Variants in BMPR1B observed in about 807,000 individuals in gnomAD.
BMPR1B encodes bone morphogenetic protein receptor type-1B.
In BMPR1B, 12 loss-of-function variants were observed where a neutral mutation model predicts 59.1. That is an observed-to-expected ratio of 0.20 (90% confidence interval 0.13 to 0.33). BMPR1B has a LOEUF of 0.33. BMPR1B is among the 10% of genes least tolerant of loss of function. The probability of loss-of-function intolerance (pLI) is 1.00; values close to 1 mark genes in which losing one functional copy is unlikely to be tolerated. For missense variants in BMPR1B, 550 were observed against 610.9 expected (o/e 0.90, Z 1.05); for synonymous variants, 237 against 207.3 (o/e 1.14, Z -1.23).
intron 2 of BMPR1B, among the ~76,000 whole-genome samples, chr4:94,981,861 A>G (rs527804916): frequency 2.0e-5 from 3 of 152,204 alleles, no homozygotes; most frequent in East Asian, 3.8e-4. Flanking sequence ...AATATTTCCC[A>G]GTTGAATTAT....
chr4:95,105,317 G>A (rs1036764884), intron 4 of BMPR1B, among the ~76,000 whole-genome samples: 18 of 151,952 alleles, frequency 1.2e-4, no homozygotes, highest in Admixed American at 2.6e-4. Flanking sequence ...CACAGCCCTC[G>A]AGTTAAAATG....
chr4:94,762,888 G>T (rs867282417), intron 1 of BMPR1B, among the ~76,000 whole-genome samples: 1 of 151,732 alleles, frequency 6.6e-6, no homozygotes, highest in Admixed American at 6.6e-5. Flanking sequence ...CTGGGGGCTG[G>T]GGGTGTGCCA....
intron 1 of BMPR1B, among the ~76,000 whole-genome samples, chr4:94,847,428 T>A (rs1314100796): frequency 6.6e-6 from 1 of 152,234 alleles, no homozygotes; most frequent in Non-Finnish European, 1.5e-5. Context: ...GCCATTCCAC[T>A]GCTAGGTATT....
At chr4:95,013,201 G>A (rs1023815765) in intron 3 of BMPR1B, among the ~76,000 whole-genome samples, 1 of 151,200 alleles carries the variant, frequency 6.6e-6, no homozygotes, top group African/African-American at 2.5e-5. Flanking sequence ...CACCAACAAT[G>A]ACTATATATC....
At chr4:94,839,175 T>C (rs1724943429) in intron 1 of BMPR1B, among the ~76,000 whole-genome samples, 1 of 131,306 alleles carries the variant, frequency 7.6e-6, no homozygotes, top group Non-Finnish European at 1.6e-5. Context: ...GAGCTTTACT[T>C]CCAAGTATGT....
At chr4:94,814,544 C>G (rs775425238) in intron 1 of BMPR1B, among the ~76,000 whole-genome samples, 1 of 152,156 alleles carries the variant, frequency 6.6e-6, no homozygotes, top group African/African-American at 2.4e-5. Context: ...ATTTACCATT[C>G]TTGTGCCTCA....
At chr4:94,779,839 A>G (rs1465484341) in intron 1 of BMPR1B, among the ~76,000 whole-genome samples, 1 of 151,942 alleles carries the variant, frequency 6.6e-6, no homozygotes, top group Non-Finnish European at 1.5e-5. Context: ...CTTAAAAAAC[A>G]TTAGAAAAAA....
chr4:94,889,219 A>G (rs1310475914), intron 2 of BMPR1B, among the ~76,000 whole-genome samples: 3 of 152,102 alleles, frequency 2.0e-5, no homozygotes, highest in South Asian at 4.1e-4. Flanking sequence ...GAGTTTTAAT[A>G]GTGATATTTT....
chr4:94,943,867 C>G (rs1311342150), intron 2 of BMPR1B, among the ~76,000 whole-genome samples: 1 of 152,096 alleles, frequency 6.6e-6, no homozygotes, highest in Non-Finnish European at 1.5e-5. Flanking sequence ...CAAAATTTCT[C>G]TTCTCTAATT....
intron 10 of BMPR1B, 54 bp from the exon 11 acceptor site, chr4:95,148,694 C>T (rs746567210): frequency 5.8e-6 from 9 of 1,559,796 alleles, no homozygotes; most frequent in Non-Finnish European, 8.0e-6. Flanking sequence ...CACCTTGATT[C>T]GTTTTTGTTG....
intron 2 of BMPR1B, among the ~76,000 whole-genome samples, chr4:94,898,706 T>C (rs185890897): frequency 1.7e-4 from 15 of 89,944 alleles, no homozygotes; most frequent in Non-Finnish European, 3.0e-4. Flanking sequence ...CAGACTAATA[T>C]ACACTTTAAA....
chr4:94,839,393 C>G lies in BMPR1B; in HGVS notation c.-182-36438C>G, dbSNP rs1000478637. 3.4e-5 allele frequency among the ~76,000 whole-genome samples: 5 copies of G among 146,678 alleles called. 2 individuals are homozygous for G. Among genetic ancestry groups the G allele is most frequent in the African/African-American group, 7.6e-5 (3 of 39,440 alleles). On this transcript the variant is annotated intron_variant, in intron 1 of 12. Coordinates refer to ENST00000515059, the MANE Select transcript of BMPR1B (RefSeq NM_001203.3). The stretch of plus-strand genomic sequence containing the variant: ...TCTCCCATTATTAATGTGTGGGGGT[C>G]TAAGTCTCTTTGTAGGTCACTCAGG...
chr4:95,046,701 G>C (rs1244028429), intron 3 of BMPR1B, among the ~76,000 whole-genome samples: 1 of 152,064 alleles, frequency 6.6e-6, no homozygotes, highest in Non-Finnish European at 1.5e-5. Flanking sequence ...TCCTTCCTCT[G>C]CCCTTCTGTC....
intron 1 of BMPR1B, among the ~76,000 whole-genome samples, chr4:94,810,715 C>A (rs895837572): frequency 3.9e-5 from 6 of 152,188 alleles, no homozygotes; most frequent in African/African-American, 1.4e-4. Flanking sequence ...AATGGTGTTT[C>A]TTGAAGCCAG....
In BMPR1B at chr4:95,123,926, A is replaced by G. The variant is rs1417884027; in HGVS notation, c.446+20A>G. On this transcript the variant is annotated intron_variant, in intron 7 of 12. Coordinates refer to ENST00000515059, the MANE Select transcript of BMPR1B (RefSeq NM_001203.3). ...CTTCCGGTAAGTTTCTAACATGTAG[A>G]TGCAAAATTTTTAATTTATAGTGTC... The G allele has an allele frequency of 1.3e-6, 2 of 1,557,054 alleles. No homozygotes were observed.
chr4:94,969,593 A>T (rs1306725874), intron 2 of BMPR1B, among the ~76,000 whole-genome samples: 1 of 152,372 alleles, frequency 6.6e-6, no homozygotes, highest in East Asian at 1.9e-4. Flanking sequence ...TTTGAGGATT[A>T]AGAATTTATG....
chr4:94,863,807 A>G (rs1189400076), intron 1 of BMPR1B, among the ~76,000 whole-genome samples: 1 of 152,230 alleles, frequency 6.6e-6, no homozygotes, highest in East Asian at 1.9e-4. Context: ...TGGTTCATCT[A>G]CACATTTCAG....
rs1727015239 is a variant in BMPR1B, at chr4:95,057,453, G to T, written c.-17-46955G>T. 3.3e-5 allele frequency among the ~76,000 whole-genome samples: 5 copies of T among 152,118 alleles called. 1 individual carries two copies. In the South Asian group the frequency reaches 1.0e-3, roughly 32 times the overall value. ...GTAGAGACGGGGTTTCACCATGTTGGCCAGGTTGGTCTCAATCTCTTGATC... is the reference window on the plus strand; with the variant it reads ...GTAGAGACGGGGTTTCACCATGTTGTCCAGGTTGGTCTCAATCTCTTGATC... On this transcript the variant is annotated intron_variant, in intron 3 of 12. Coordinates refer to ENST00000515059, the MANE Select transcript of BMPR1B (RefSeq NM_001203.3).
chr4:94,955,778 G>A (rs1234220775), intron 2 of BMPR1B, among the ~76,000 whole-genome samples: 5 of 151,922 alleles, frequency 3.3e-5, no homozygotes, highest in East Asian at 1.9e-4. Context: ...ACAGGTGCAC[G>A]CCCCCACACC....
Sources: allele counts gnomAD v4.1 joint callset (sites outside exome capture counted in the v4.1 genomes callset), GRCh38; gene constraint gnomAD v4.1.1; transcripts MANE v1.5; gene names NCBI Gene and HGNC (gene_info 2026-07-23, HGNC 2026-07-21).